CACNA2D3: variants seen among roughly 807,000 people sequenced by gnomAD.
The protein encoded by CACNA2D3 is voltage-dependent calcium channel subunit alpha-2/delta-3.
A neutral mutation model predicts 160.6 loss-of-function variants in CACNA2D3; 60 were observed. That is an observed-to-expected ratio of 0.37 (90% CI 0.30 to 0.46). The LOEUF (loss-of-function observed/expected upper bound fraction) is 0.46. CACNA2D3 is among the 20% of genes least tolerant of loss of function. The pLI is 1.00. For missense variants in CACNA2D3, 1,205 were observed against 1,365.0 expected, an observed-to-expected ratio of 0.88 and a Z score of 1.85; for synonymous variants, 558 against 492.9, an observed-to-expected ratio of 1.13 and a Z score of -1.75.
At chr3:54,280,372 C>T (rs766393502) in intron 2 of CACNA2D3, among the ~76,000 whole-genome samples, 1 of 152,152 alleles carries the variant, frequency 6.6e-6, no homozygotes, top group Non-Finnish European at 1.5e-5. Flanking sequence ...TGAGCCACCG[C>T]GCCTGGCCTG....
At chr3:54,660,064 A>T (rs1457820021) in intron 11 of CACNA2D3, among the ~76,000 whole-genome samples, 1 of 151,886 alleles carries the variant, frequency 6.6e-6, no homozygotes, top group Non-Finnish European at 1.5e-5. Context: ...TCAAAACCTG[A>T]CCGTGAGCCT....
chr3:54,880,711 A>G, intron 20 of CACNA2D3, 85 bp from the exon 21 acceptor site: 5 of 1,190,302 alleles, frequency 4.2e-6, no homozygotes, highest in Non-Finnish European at 6.2e-6. Context: ...GAAATGTGAA[A>G]AATGGAAAAT....
At chr3:55,000,239 G>A (rs1485354817) in intron 31 of CACNA2D3, among the ~76,000 whole-genome samples, 1 of 152,138 alleles carries the variant, frequency 6.6e-6, no homozygotes, top group Non-Finnish European at 1.5e-5. Flanking sequence ...GCAAAATGGA[G>A]TTATTTAAAA....
At chr3:54,936,691 G>A (rs886752124) in intron 27 of CACNA2D3, among the ~76,000 whole-genome samples, 13 of 152,062 alleles carry the variant, frequency 8.5e-5, no homozygotes, top group African/African-American at 3.1e-4. Flanking sequence ...TCTCCAGTCA[G>A]CCCGTCGCTA....
chr3:54,871,561 G>A lies in CACNA2D3; in HGVS notation c.1649G>A (p.Arg550Lys), dbSNP rs1699535411. 4.3e-6 allele frequency: 7 copies of A among 1,613,326 alleles called. No homozygotes were observed. The highest frequency in any genetic ancestry group is 5.9e-6 in the Non-Finnish European group (7 of 1,179,476). Residue 550 changes from arginine (R) to lysine (K), a missense_variant, in exon 18 of 38, where the codon AGG (arginine) becomes AAG (lysine). Transcript: ENST00000474759. ...TAGTACGAAGAAGGAAAAAAGCGAA[G>A]GAAACCTAACTATAGTAGCGTTGAC... ...RLLYEEGKKR[R>K]KPNYSSVDLS... is the part of the protein sequence containing the mutation.
intron 17 of CACNA2D3, among the ~76,000 whole-genome samples, chr3:54,865,526 G>A (rs1699381780): frequency 6.6e-6 from 1 of 152,248 alleles, no homozygotes; most frequent in East Asian, 1.9e-4. Context: ...AGGCCTTGAT[G>A]TGCAGCTGGC....
At position 54,245,065 on chromosome 3, in the gene CACNA2D3, G is replaced by A. The variant is rs149283563; in HGVS notation, c.205-75377G>A. Reference sequence around the variant, plus strand: ...TTCTGATTTACCCAGGACAGTGCCAGTTTACACCTGTTGTCATAATTATTA... The same window carrying A: ...TTCTGATTTACCCAGGACAGTGCCAATTTACACCTGTTGTCATAATTATTA... On this transcript the variant is annotated intron_variant, in intron 2 of 37. Coordinates refer to ENST00000474759, the MANE Select transcript of CACNA2D3 (RefSeq NM_018398.3). 1.7e-3 allele frequency among the ~76,000 whole-genome samples: 263 copies of A among 152,290 alleles called. 1 individual carries two copies. In the Middle Eastern group the frequency reaches 0.024, roughly 14 times the overall value.
intron 9 of CACNA2D3, among the ~76,000 whole-genome samples, chr3:54,610,692 T>C (rs912021512): frequency 6.6e-6 from 1 of 152,088 alleles, no homozygotes; most frequent in South Asian, 2.1e-4. Flanking sequence ...GGCATGATCT[T>C]GACTCACTGT....
At chr3:54,508,830 A>C (rs1701412634) in intron 5 of CACNA2D3, among the ~76,000 whole-genome samples, 1 of 152,210 alleles carries the variant, frequency 6.6e-6, no homozygotes, top group South Asian at 2.1e-4. Context: ...CCTGAAAATG[A>C]AAAGAGCTCC....
At chr3:54,219,070 G>C (rs560360107) in intron 2 of CACNA2D3, among the ~76,000 whole-genome samples, 1 of 152,290 alleles carries the variant, frequency 6.6e-6, no homozygotes, top group South Asian at 2.1e-4. Flanking sequence ...TCCACAGTTA[G>C]TGACCCATAT....
At position 55,038,126 on chromosome 3, in the gene CACNA2D3, A is replaced by G. The variant is rs533034346; in HGVS notation, c.2987+19809A>G. On this transcript the variant is annotated intron_variant, in intron 35 of 37. Transcript: ENST00000474759. ...GTTGTGCTGTTTTATCCAAATAGAC[A>G]TGAAATCCTCAAGCAACCAAAGTCT... is the stretch of plus-strand genomic sequence containing the variant. Among the ~76,000 whole-genome samples, 51 of 152,350 alleles carry G rather than the reference A, an allele frequency of 3.3e-4. 1 individual carries two copies. In the South Asian group the frequency reaches 0.011, roughly 32 times the overall value.
At chr3:54,217,607 CAG>C (rs1313670110) in intron 2 of CACNA2D3, among the ~76,000 whole-genome samples, 1 of 151,998 alleles carries the variant, frequency 6.6e-6, no homozygotes, top group Non-Finnish European at 1.5e-5. Context: ...GATGTGAAGA[CAG>C]AGGCAGAGAT....
intron 2 of CACNA2D3, among the ~76,000 whole-genome samples, chr3:54,212,696 C>T (rs1305399737): frequency 6.6e-6 from 1 of 152,052 alleles, no homozygotes; most frequent in African/African-American, 2.4e-5. Context: ...TTTGGAATGC[C>T]CTTGGCTGAG....
chr3:54,537,287 GT>G (rs1321079160), intron 5 of CACNA2D3, among the ~76,000 whole-genome samples: 1 of 152,058 alleles, frequency 6.6e-6, no homozygotes, highest in African/African-American at 2.4e-5. Flanking sequence ...TTATGTGGTG[GT>G]GAAGCAAGTG....
Position 54,778,572 on chromosome 3 carries a change from A to G in CACNA2D3, c.1380+14221A>G, listed in dbSNP as rs142214515. Among the ~76,000 whole-genome samples, 433 of 152,304 alleles carry G rather than the reference A, an allele frequency of 2.8e-3. 2 individuals are homozygous for G. The highest frequency in any genetic ancestry group is 9.7e-3 in the African/African-American group (405 of 41,574). The stretch of plus-strand genomic sequence containing the variant: ...TTTCCAAAGCATGTAGCACCATCCT[A>G]GAACTTCTTGTACTATTATATTAAG... On this transcript the variant is annotated intron_variant, in intron 13 of 37. Transcript: ENST00000474759.
intron 17 of CACNA2D3, among the ~76,000 whole-genome samples, chr3:54,850,993 G>A: frequency 6.6e-6 from 1 of 152,214 alleles, no homozygotes; most frequent in East Asian, 1.9e-4. Context: ...TGCTCAGAGA[G>A]GTCACAGAGA....
At chr3:54,323,099 G>A (rs891111296) in intron 3 of CACNA2D3, among the ~76,000 whole-genome samples, 6 of 152,204 alleles carry the variant, frequency 3.9e-5, no homozygotes, top group Admixed American at 3.9e-4. Flanking sequence ...GGGGATGGTA[G>A]AGATGGGCCT....
intron 27 of CACNA2D3, among the ~76,000 whole-genome samples, chr3:54,934,484 A>G (rs1223552493): frequency 6.6e-6 from 1 of 152,180 alleles, no homozygotes; most frequent in Non-Finnish European, 1.5e-5. Flanking sequence ...CTGCATATGA[A>G]TATCAGCGGA....
chr3:54,632,819 A>C (rs1393086398), intron 10 of CACNA2D3: 1 of 152,212 alleles, frequency 6.6e-6, no homozygotes, highest in African/African-American at 2.4e-5. Flanking sequence ...TGGAATAAGC[A>C]ATGAGGTTAT....
Sources: allele counts gnomAD v4.1 joint callset (sites outside exome capture counted in the v4.1 genomes callset), GRCh38; gene constraint gnomAD v4.1.1; transcripts MANE v1.5; gene names NCBI Gene and HGNC (gene_info 2026-07-23, HGNC 2026-07-21).